Variants in NUP58 observed in about 807,000 individuals in gnomAD.
The protein encoded by NUP58 is nucleoporin p58/p45.
In NUP58, 17 loss-of-function variants were observed where a neutral mutation model predicts 70.1. The ratio of observed to expected loss-of-function variants is 0.24; its 90% CI spans 0.17 to 0.36. The LOEUF is 0.36. Among genes scored for constraint, NUP58 ranks in the 10% least tolerant of loss-of-function variants. The pLI is 1.00. For synonymous variants in NUP58, 275 were observed against 257.6 expected, an observed-to-expected ratio of 1.07 and a Z score of -0.65; for missense variants, 644 against 701.5, an observed-to-expected ratio of 0.92 and a Z score of 0.93.
chr13:25,345,413 C>A (rs888935869), downstream of NUP58, among the ~76,000 whole-genome samples: 7 of 151,984 alleles, frequency 4.6e-5, no homozygotes, highest in Non-Finnish European at 8.8e-5. Flanking sequence ...AAGGTAAGTA[C>A]CTAGGTCTAT....
chr13:25,302,380 T>A (rs1459166753), intron 1 of NUP58, among the ~76,000 whole-genome samples: 1 of 152,250 alleles, frequency 6.6e-6, no homozygotes, highest in Non-Finnish European at 1.5e-5. Context: ...CATGGGACCT[T>A]ATCTGTTTTT....
At chr13:25,333,738 A>T in intron 13 of NUP58, 1 of 985,390 alleles carries the variant, frequency 1.0e-6, no homozygotes, top group Non-Finnish European at 1.2e-6. Flanking sequence ...TTTGTACCCC[A>T]TAAGTTATCC....
chr13:25,349,592 G>A (rs1372278020), exon 4 of NUP58: 3 of 152,496 alleles, frequency 2.0e-5, no homozygotes, highest in Non-Finnish European at 4.4e-5. Context: ...ACTGAATTTC[G>A]AAAACCCAGT....
At chr13:25,320,486 T>A in intron 7 of NUP58, 44 bp from the exon 8 acceptor site, 1 of 1,426,156 alleles carries the variant, frequency 7.0e-7, no homozygotes, top group African/African-American at 1.4e-5. Context: ...TGTCAACTTT[T>A]TAAAATCTCA....
chr13:25,338,967 A>G (rs2031873653), intron 15 of NUP58: 2 of 291,616 alleles, frequency 6.9e-6, no homozygotes, highest in South Asian at 2.0e-4. Context: ...ATAATTAATT[A>G]CATCTTCTAA....
At chr13:25,333,505 C>T (rs2031680422) in intron 13 of NUP58, 1 of 985,200 alleles carries the variant, frequency 1.0e-6, no homozygotes, top group Non-Finnish European at 1.2e-6. Context: ...CCTAAACAAC[C>T]TTACAGTGTT....
chr13:25,305,636 C>G (rs552924599), intron 1 of NUP58, among the ~76,000 whole-genome samples: 11 of 152,316 alleles, frequency 7.2e-5, no homozygotes, highest in African/African-American at 2.4e-4. Flanking sequence ...ATAAGCTCCT[C>G]CACCTCCATT....
intron 1 of NUP58, 108 bp from the exon 2 acceptor site, chr13:25,307,698 G>A: frequency 9.5e-7 from 1 of 1,053,682 alleles, no homozygotes; most frequent in South Asian, 1.6e-5. Flanking sequence ...TTATGTGAAT[G>A]AAATTATCTT....
chr13:25,303,525 CTAGCAACA>C (rs1566053826), intron 1 of NUP58, among the ~76,000 whole-genome samples: 2 of 151,830 alleles, frequency 1.3e-5, no homozygotes, highest in African/African-American at 4.8e-5. Context: ...AAAGCCTGTC[CTAGCAACA>C]TGGCCTTTTC....
rs749057034 is a variant in NUP58 at position 25,313,006 on chromosome 13, C to T, written c.410C>T (p.Ser137Leu). ...TSTSASGLTL[S>L]SALTSTPAAS... ...ACCTCAGCTAGCGGTCTGACTCTTT[C>T]GTCTGCTCTGACATCAACTCCAGCA... The change falls in exon 4 of 16, where the codon TCG becomes TTG. Residue 137 changes from serine to leucine, a missense_variant. By Grantham distance (145) the Ser-to-Leu change is moderately radical (BLOSUM62 -2). This residue lies in a region of NUP58 where 430 missense variants were observed against 409.2 expected (regional missense o/e 1.05). Transcript: ENST00000381736. 1.7e-5 allele frequency: 28 copies of T among 1,613,916 alleles called. No individual in the cohort carries two copies. The highest frequency in any genetic ancestry group is 1.6e-4 in the Middle Eastern group (1 of 6,084).
chr13:25,338,593 G>C (rs373382706), intron 14 of NUP58, 43 bp from the exon 15 acceptor site: 1 of 1,423,954 alleles, frequency 7.0e-7, no homozygotes, highest in African/African-American at 1.4e-5. Context: ...TTTAACCTGT[G>C]TTTTATGTGC....
chr13:25,334,227 GCCT>G (rs1175960313), intron 13 of NUP58: 5 of 985,182 alleles, frequency 5.1e-6, no homozygotes, highest in Non-Finnish European at 2.4e-6. Flanking sequence ...TGCTTCCCAA[GCCT>G]CCTGAAAAAC....
chr13:25,327,638 C>G, intron 12 of NUP58, 126 bp downstream of exon 12: 2 of 585,346 alleles, frequency 3.4e-6, no homozygotes, highest in Non-Finnish European at 6.1e-6. Context: ...AAGATGAAAA[C>G]TACTATAATC....
chr13:25,319,008 T>C (rs1010912018), intron 6 of NUP58, among the ~76,000 whole-genome samples: 11 of 152,250 alleles, frequency 7.2e-5, no homozygotes, highest in Non-Finnish European at 1.3e-4. Context: ...ATCTGCCATA[T>C]ATCTGCTTAT....
intron 3 of NUP58, among the ~76,000 whole-genome samples, chr13:25,310,519 CTTTT>C (rs34548230): frequency 3.7e-5 from 2 of 53,552 alleles, no homozygotes; most frequent in South Asian, 1.8e-3. Flanking sequence ...TGTGCCTGGC[CTTTT>C]TTTTTTTTTT....
In NUP58 at chr13:25,301,785, G is replaced by T; in HGVS notation, c.12G>T (p.Gly4=). ...AGCCCTGGCCAGACATGTCCACAGG[G>T]TTCTCCTTCGGGTCCGGGACTCTGG... MST[G]FSFGSGTLGS... Residue 4 remains glycine (G), a synonymous_variant, in exon 1 of 16, where the codon GGG becomes GGT. Coordinates refer to ENST00000381736, the MANE Select transcript of NUP58 (RefSeq NM_014089.4). 6.2e-7 allele frequency: 1 copy of T among 1,612,846 alleles called. No homozygotes were observed. The highest frequency in any genetic ancestry group is 8.5e-7 in the Non-Finnish European group (1 of 1,179,390).
intron 3 of NUP58, among the ~76,000 whole-genome samples, chr13:25,348,331 A>G (rs2032072933): frequency 6.6e-6 from 1 of 152,226 alleles, no homozygotes; most frequent in Non-Finnish European, 1.5e-5. Flanking sequence ...GATTTTGAAG[A>G]CAGTATGAAA....
At chr13:25,303,332 A>G (rs552707268) in intron 1 of NUP58, among the ~76,000 whole-genome samples, 2 of 152,316 alleles carry the variant, frequency 1.3e-5, no homozygotes, top group African/African-American at 2.4e-5. Flanking sequence ...TATTTTAGCT[A>G]TGCAGACCCA....
chr13:25,321,727 A>G (rs1299617615), intron 9 of NUP58, among the ~76,000 whole-genome samples: 1 of 152,100 alleles, frequency 6.6e-6, no homozygotes, highest in Non-Finnish European at 1.5e-5. Context: ...GACCAGTCTG[A>G]CCAACATGCT....
Sources: gnomAD v4.1 joint callset for allele counts (sites outside exome capture counted in the v4.1 genomes callset) on GRCh38, gnomAD v4.1.1 for gene constraint, gnomAD v4.1.1 regional missense constraint, MANE v1.5 for transcripts, NCBI Gene and HGNC (gene_info 2026-07-23, HGNC 2026-07-21) for gene names.